The following STAT3 variants were observed in gnomAD, a reference collection of about 807,000 sequenced individuals.
The protein encoded by STAT3 is DNA-binding protein APRF.
A neutral mutation model predicts 114.3 loss-of-function variants in STAT3; 7 were observed. The ratio of observed to expected loss-of-function variants is 0.06; its 90% confidence interval spans 0.03 to 0.11. The LOEUF is 0.11. Ranked by LOEUF, STAT3 falls within the 10% of genes least tolerant of loss-of-function variation. The probability of loss-of-function intolerance (pLI) is 1.00; values close to 1 mark genes in which losing one functional copy is unlikely to be tolerated. For synonymous variants in STAT3, 331 were observed against 354.5 expected (o/e 0.93, Z 0.74); for missense variants, 364 against 960.9 (o/e 0.38, Z 8.21).
rs750489977 is a variant in STAT3 at position 42,333,654 on chromosome 17, T to A, written c.1049+19A>T. The stretch of plus-strand genomic sequence containing the variant: ...CCCTCAGTAAAATCTCTACTGGAAA[T>A]GGAAGTGGCATGGCCTACCTGACTT... On this transcript the variant is annotated intron_variant, in intron 10 of 23. Transcript: ENST00000264657. This position sits in a 1 kb window ranked among gnomAD's most constrained non-coding sequence, Gnocchi z 5.2. The A allele has an allele frequency of 6.2e-6, 10 of 1,613,572 alleles. No individual in the cohort carries two copies. Among genetic ancestry groups the A allele is most frequent in the Non-Finnish European group, 1.7e-6 (2 of 1,179,728 alleles).
chr17:42,345,750 G>A (rs2082669506), intron 3 of STAT3, 93 bp from the exon 4 acceptor site: 3 of 1,182,774 alleles, frequency 2.5e-6, no homozygotes, highest in East Asian at 2.5e-5. Context: ...TATTCATCAA[G>A]GAAAGCATTT....
chr17:42,316,209 A>C, intron 23 of STAT3: 1 of 524,910 alleles, frequency 1.9e-6, no homozygotes, highest in Non-Finnish European at 2.8e-6. Context: ...AAAAAGAATA[A>C]AAAAAGGTCT....
intron 4 of STAT3, among the ~76,000 whole-genome samples, chr17:42,344,175 C>G (rs1230393165): frequency 1.3e-5 from 2 of 152,186 alleles, no homozygotes; most frequent in Non-Finnish European, 2.9e-5. Context: ...GTAATCCCAG[C>G]ACTTTGGGAG....
intron 1 of STAT3, among the ~76,000 whole-genome samples, chr17:42,367,515 G>A (rs2083872265): frequency 6.6e-6 from 1 of 151,910 alleles, no homozygotes; most frequent in Non-Finnish European, 1.5e-5. Context: ...TCTGCTCCTG[G>A]AACACACCTT....
intron 1 of STAT3, among the ~76,000 whole-genome samples, chr17:42,377,235 T>TTTTTTG (rs1026184123): frequency 1.3e-5 from 2 of 152,066 alleles, no homozygotes; most frequent in African/African-American, 4.8e-5. Context: ...ACTCTGTAGT[T>TTTTTTG]TTTTTGTTTT....
chr17:42,333,942 C>T lies in STAT3; in HGVS notation c.905G>A (p.Arg302Gln), dbSNP rs1161466672. ...SYKGDPIVQH[R>Q]PMLEERIVEL... ...CACGATTCTCTCCTCCAGCATCGGCCGGTGCTGTACAATGGGGTCCCCTTT... is the reference window on the plus strand; with the variant it reads ...CACGATTCTCTCCTCCAGCATCGGCTGGTGCTGTACAATGGGGTCCCCTTT... The change falls in exon 9 of 24, where the codon CGG becomes CAG. Residue 302 changes from arginine to glutamine, a missense_variant. By Grantham distance (43) the Arg-to-Gln change is conservative. Around this residue, in one of 5 missense-constraint regions of STAT3, gnomAD observed 294 missense variants for 745.1 expected, o/e 0.39. Transcript: ENST00000264657. The surrounding 1 kb of genome is among the most constrained non-coding windows in gnomAD (Gnocchi z 5.2). The T allele has an allele frequency of 3.1e-6, 5 of 1,614,186 alleles. No individual in the cohort carries two copies. The highest frequency in any genetic ancestry group is 4.2e-6 in the Non-Finnish European group (5 of 1,180,038).
chr17:42,337,742 T>A lies in STAT3; in HGVS notation c.645+21A>T, dbSNP rs369260581. 2.5e-4 allele frequency: 402 copies of A among 1,613,976 alleles called. No homozygotes were observed. The highest frequency in any genetic ancestry group is 3.2e-4 in the Non-Finnish European group (373 of 1,179,952). ...AAGTGAGCGAGACACATGGGGGAAG[T>A]GGTCCGACCTATGCCCTTACTCTCC... On this transcript the variant is annotated intron_variant, in intron 7 of 23. Coordinates refer to ENST00000264657, the MANE Select transcript of STAT3 (RefSeq NM_139276.3). The surrounding 1 kb of genome is among the most constrained non-coding windows in gnomAD (Gnocchi z 4.0).
chr17:42,348,623 T>TTGGGCA, intron 1 of STAT3, 84 bp from the exon 2 acceptor site: 1 of 1,520,654 alleles, frequency 6.6e-7, no homozygotes, highest in Non-Finnish European at 9.0e-7. Context: ...AACACAGGTG[T>TTGGGCA]CAGGTCTGTG....
intron 1 of STAT3, among the ~76,000 whole-genome samples, chr17:42,384,011 T>C (rs2084941816): frequency 6.6e-6 from 1 of 152,250 alleles, no homozygotes; most frequent in African/African-American, 2.4e-5. Flanking sequence ...TATGCACTGA[T>C]TTACTTTGTA....
intron 5 of STAT3, 148 bp downstream of exon 5, chr17:42,339,166 G>A (rs1322430759): frequency 4.2e-5 from 31 of 746,970 alleles, no homozygotes; most frequent in South Asian, 3.9e-4. Flanking sequence ...TGAGGTAGGA[G>A]GATCGCTTGG....
chr17:42,327,165 C>T (rs2081764548), intron 14 of STAT3, among the ~76,000 whole-genome samples: 1 of 152,198 alleles, frequency 6.6e-6, no homozygotes, highest in South Asian at 2.1e-4. Flanking sequence ...GTCCATCACT[C>T]CTAAAATTCT....
chr17:42,340,471 G>A (rs886144801), intron 4 of STAT3, among the ~76,000 whole-genome samples: 11 of 151,232 alleles, frequency 7.3e-5, no homozygotes, highest in Non-Finnish European at 1.0e-4. Flanking sequence ...GTTTGAGACC[G>A]GCCCAGGGAA....
At chr17:42,365,255 G>A (rs886819966) in intron 1 of STAT3, among the ~76,000 whole-genome samples, 1 of 152,172 alleles carries the variant, frequency 6.6e-6, no homozygotes, top group African/African-American at 2.4e-5. Flanking sequence ...AGGCAAAAGG[G>A]GAGGCCACAA....
At chr17:42,356,056 CTG>C (rs1437236666) in intron 1 of STAT3, among the ~76,000 whole-genome samples, 1 of 152,048 alleles carries the variant, frequency 6.6e-6, no homozygotes, top group Non-Finnish European at 1.5e-5. Flanking sequence ...TAGAGCATAC[CTG>C]TGTTTTATCT....
At chr17:42,347,184 C>CA (rs754388828) in intron 2 of STAT3, among the ~76,000 whole-genome samples, 7,669 of 75,036 alleles carry the variant, frequency 0.1, 890 homozygotes, top group African/African-American at 0.27. Context: ...GACTCCATCT[C>CA]AAAAAAAAAA....
intron 1 of STAT3, among the ~76,000 whole-genome samples, chr17:42,355,437 T>C (rs1318417632): frequency 6.6e-6 from 1 of 152,174 alleles, no homozygotes; most frequent in Non-Finnish European, 1.5e-5. Context: ...TTACTCCATA[T>C]AGGCTGCCTT....
chr17:42,317,270 T>A (rs770699904), intron 21 of STAT3, 46 bp from the exon 22 acceptor site: 1 of 1,606,286 alleles, frequency 6.2e-7, no homozygotes, highest in Non-Finnish European at 8.5e-7. Context: ...GACTTCGCAT[T>A]CAGTAAGCAG....
At chr17:42,374,288 T>C (rs1427955534) in intron 1 of STAT3, 1 of 152,202 alleles carries the variant, frequency 6.6e-6, no homozygotes, top group Non-Finnish European at 1.5e-5. Context: ...GCCCATGATC[T>C]AAATTCTAAA....
At position 42,315,814 on chromosome 17, in the gene STAT3, CAG is replaced by C; in HGVS notation, c.2258-16_2258-15del. 6.2e-7 allele frequency: 1 copy of C among 1,614,020 alleles called. No individual in the cohort carries two copies. The highest frequency in any genetic ancestry group is 8.5e-7 in the Non-Finnish European group (1 of 1,180,016). On this transcript the variant is annotated splice_polypyrimidine_tract_variant and intron_variant, in intron 23 of 23. Transcript: ENST00000264657. Reference sequence around the variant, plus strand: ...AGGTGAGGGACTCTGGAGGGACAGACAGGGAAAACTAGTTCAGTTGTCCACCC... The same window carrying C: ...AGGTGAGGGACTCTGGAGGGACAGACGGAAAACTAGTTCAGTTGTCCACCC...
Sources: gnomAD v4.1 joint callset for allele counts (sites outside exome capture counted in the v4.1 genomes callset) on GRCh38, gnomAD v4.1.1 for gene constraint, gnomAD v4.1.1 regional missense constraint, Gnocchi (gnomAD v3.1) non-coding constraint, MANE v1.5 for transcripts, NCBI Gene and HGNC (gene_info 2026-07-23, HGNC 2026-07-21) for gene names.